Variants in PROB1 observed in about 807,000 individuals in gnomAD.
The protein encoded by PROB1 is proline rich basic protein 1.
For missense variants in PROB1, 1,453 were observed against 1,485.7 expected (o/e 0.98, Z 0.36); for synonymous variants, 660 against 699.3 (o/e 0.94, Z 0.89).
Position 139,393,250 on chromosome 5 carries a change from T to A in PROB1, c.1832A>T (p.Glu611Val). 6.5e-7 allele frequency: 1 copy of A among 1,549,384 alleles called. No homozygotes were observed. The highest frequency in any genetic ancestry group is 8.7e-7 in the Non-Finnish European group (1 of 1,146,960). Residue 611 changes from glutamate (E) to valine (V), a missense_variant, in exon 1 of 1, where the codon GAG (glutamate) becomes GTG (valine). By Grantham distance (121) the Glu-to-Val change is moderately radical (BLOSUM62 -2). Transcript: ENST00000434752. ...DKCPEVLGPG[E>V]AASGRPRMAI... is the part of the protein sequence containing the mutation. ...CATGCGCGGGCGTCCCGAGGCCGCCTCTCCAGGACCCAAGACTTCCGGGCA... is the reference window on the plus strand; with the variant it reads ...CATGCGCGGGCGTCCCGAGGCCGCCACTCCAGGACCCAAGACTTCCGGGCA...
At position 139,393,426 on chromosome 5, in the gene PROB1, G is replaced by A; in HGVS notation, c.1656C>T (p.Ser552=). ...TQEELAPPTP[S]APGTPEPTEM... ...CTGTTGGTTCTGGAGTGCCGGGTGCGGACGGTGTAGGCGGTGCCAACTCCT... is the reference window on the plus strand; with the variant it reads ...CTGTTGGTTCTGGAGTGCCGGGTGCAGACGGTGTAGGCGGTGCCAACTCCT... The change falls in exon 1 of 1, where the codon TCC becomes TCT. Residue 552 remains serine (S), a synonymous_variant. Transcript: ENST00000434752. 1.9e-6 allele frequency: 3 copies of A among 1,551,662 alleles called. No individual in the cohort carries two copies. Among genetic ancestry groups the A allele is most frequent in the Non-Finnish European group, 2.6e-6 (3 of 1,147,006 alleles).
chr5:139,394,420 C>T lies in PROB1; in HGVS notation c.662G>A (p.Arg221Lys). 7.2e-7 allele frequency: 1 copy of T among 1,395,728 alleles called. No individual in the cohort carries two copies. The highest frequency in any genetic ancestry group is 9.2e-7 in the Non-Finnish European group (1 of 1,083,948). The allele number at this position is 1,395,728 out of a possible 1,614,324, so 86.5% of individuals were successfully genotyped here. Residue 221 changes from arginine to lysine, a missense_variant, in exon 1 of 1, where the codon AGG becomes AAG. Arg to Lys is a conservative substitution (Grantham distance 26). Coordinates refer to ENST00000434752, the MANE Select transcript of PROB1 (RefSeq NM_001161546.2). ...ELRPRPQSPPRAAGAPRPRLL... is the reference protein window; with the variant it reads ...ELRPRPQSPPKAAGAPRPRLL... ...CCGGGGGCGCGGCGCGCCGGCCGCC[C>T]TTGGGGGACTCTGGGGCCGGGGGCG...
Position 139,394,273 on chromosome 5 carries a change from G to A in PROB1, c.809C>T (p.Thr270Ile). The A allele has an allele frequency of 1.9e-6, 3 of 1,542,620 alleles. No individual in the cohort carries two copies. The highest frequency in any genetic ancestry group is 2.6e-6 in the Non-Finnish European group (3 of 1,142,778). The change falls in exon 1 of 1, where the codon ACC (threonine) becomes ATC (isoleucine). Residue 270 changes from threonine (T) to isoleucine (I), a missense_variant. Coordinates refer to ENST00000434752, the MANE Select transcript of PROB1 (RefSeq NM_001161546.2). ...TTCCGACCGCCCCGTGGACCCGAAG[G>A]TGGCGCTGCTCGGGGCCGGGGCCTC... ...SPEAPAPSSA[T>I]FGSTGRSEPE... is the part of the protein sequence containing the mutation.
chr5:139,394,007 G>T lies in PROB1; in HGVS notation c.1075C>A (p.Pro359Thr). The change falls in exon 1 of 1, where the codon CCG becomes ACG. Residue 359 changes from proline (P) to threonine (T), a missense_variant. By Grantham distance (38) the Pro-to-Thr change is conservative (BLOSUM62 -1). Transcript: ENST00000434752. ...KIQEARKTRF[P>T]REAPDRTVQR... ...ACAGTTCGATCCGGCGCCTCTCGCGGGAACCGAGTCTTCCGCGCCTCCTGG... is the reference window on the plus strand; with the variant it reads ...ACAGTTCGATCCGGCGCCTCTCGCGTGAACCGAGTCTTCCGCGCCTCCTGG... The T allele has an allele frequency of 6.4e-7, 1 of 1,550,658 alleles. No homozygotes were observed. Among genetic ancestry groups the T allele is most frequent in the Non-Finnish European group, 8.7e-7 (1 of 1,146,994 alleles).
At position 139,394,384 on chromosome 5, in the gene PROB1, C is replaced by A. The variant is rs979367787; in HGVS notation, c.698G>T (p.Arg233Leu). The A allele has an allele frequency of 7.1e-7, 1 of 1,399,140 alleles. No individual in the cohort carries two copies. Among genetic ancestry groups the A allele is most frequent in the Non-Finnish European group, 9.2e-7 (1 of 1,085,118 alleles). 86.7% of individuals were successfully genotyped at this position (1,399,140 alleles called of 1,614,324 possible). A position where few individuals can be genotyped will look rare whatever the true frequency, so the allele number is the denominator to read the frequency against. ...CAGCGACTCGTCCAGGGAACCGGTG[C>A]GCAGGAGCAGCCGGGGGCGCGGCGC... Reference protein sequence around the residue: ...AGAPRPRLLLRTGSLDESLGP... With the variant: ...AGAPRPRLLLLTGSLDESLGP... Residue 233 changes from arginine (R) to leucine (L), a missense_variant, in exon 1 of 1, where the codon CGC (arginine) becomes CTC (leucine). Physicochemically the swap from Arg to Leu is moderately radical, Grantham distance 102. Transcript: ENST00000434752.
In PROB1 at chr5:139,391,836, A is replaced by T; in HGVS notation, c.*198T>A. 2 of 430,716 alleles carry T rather than the reference A, an allele frequency of 4.6e-6. No homozygotes were observed. Among genetic ancestry groups the T allele is most frequent in the Non-Finnish European group, 7.9e-6 (2 of 252,306 alleles). 26.7% of individuals were successfully genotyped at this position (430,716 alleles called of 1,614,324 possible). A position where few individuals can be genotyped will look rare whatever the true frequency, so the allele number is the denominator to read the frequency against. The stretch of plus-strand genomic sequence containing the variant: ...ACATAATTTTGTTGGGGGAGGAAGT[A>T]GGCAGCCACTTCCTGGGTGACTCCA... On this transcript the variant is annotated 3_prime_UTR_variant, in exon 1 of 1. Coordinates refer to ENST00000434752, the MANE Select transcript of PROB1 (RefSeq NM_001161546.2). The surrounding 1 kb of genome is among the most constrained non-coding windows in gnomAD (Gnocchi z 4.8).
chr5:139,392,941 C>G lies in PROB1; in HGVS notation c.2141G>C (p.Gly714Ala). Residue 714 changes from glycine to alanine, a missense_variant, in exon 1 of 1, where the codon GGG becomes GCG. Physicochemically the swap from Gly to Ala is moderately conservative, Grantham distance 60. Transcript: ENST00000434752. The surrounding 1 kb of genome is among the most constrained non-coding windows in gnomAD (Gnocchi z 5.8). The part of the protein sequence containing the change: ...TVARDASQPN[G>A]VLRRRAENST... ...GTTCTCTGCCCTCCGCCGCAGGACC[C>G]CGTTGGGCTGTGAGGCGTCCCGGGC... 6.6e-7 allele frequency: 1 copy of G among 1,518,992 alleles called. No homozygotes were observed. The highest frequency in any genetic ancestry group is 8.9e-7 in the Non-Finnish European group (1 of 1,129,178). 94.1% of individuals were successfully genotyped at this position (1,518,992 alleles called of 1,614,324 possible).
rs1224128262 is a variant in PROB1 at position 139,394,929 on chromosome 5, T to C, written c.153A>G (p.Lys51=). 4 of 1,519,602 alleles carry C rather than the reference T, an allele frequency of 2.6e-6. No homozygotes were observed. In the South Asian group the frequency reaches 3.7e-5, roughly 14 times the overall value. 94.1% of individuals were successfully genotyped at this position (1,519,602 alleles called of 1,614,324 possible). The change falls in exon 1 of 1, where the codon AAA becomes AAG. Residue 51 remains lysine, a synonymous_variant. Transcript: ENST00000434752. Reference sequence around the variant, plus strand: ...CCACCCAGGGCCAATTCGCTGGGCCTTTCGCGTCCGGCCCAACGTCCGGGG... The same window carrying C: ...CCACCCAGGGCCAATTCGCTGGGCCCTTCGCGTCCGGCCCAACGTCCGGGG... ...PEPPDVGPDA[K]GPANWPWVAP... is the part of the protein sequence containing the mutation.
Position 139,394,837 on chromosome 5 carries a change from T to G in PROB1, c.245A>C (p.His82Pro). 1 of 1,531,688 alleles carries G rather than the reference T, an allele frequency of 6.5e-7. No homozygotes were observed. The highest frequency in any genetic ancestry group is 8.8e-7 in the Non-Finnish European group (1 of 1,139,146). 94.9% of individuals were successfully genotyped at this position (1,531,688 alleles called of 1,614,324 possible). A position where few individuals can be genotyped will look rare whatever the true frequency, so the allele number is the denominator to read the frequency against. Residue 82 changes from histidine (H) to proline (P), a missense_variant, in exon 1 of 1, where the codon CAC becomes CCC. Physicochemically the swap from His to Pro is moderately conservative, Grantham distance 77 (BLOSUM62 -2). Coordinates refer to ENST00000434752, the MANE Select transcript of PROB1 (RefSeq NM_001161546.2). Reference protein sequence around the residue: ...SVSAQNSRQRHGPGSGFPRGP... With the variant: ...SVSAQNSRQRPGPGSGFPRGP... The stretch of plus-strand genomic sequence containing the variant: ...TCGCGGGAAACCCGAGCCGGGCCCG[T>G]GCCGCTGGCGGCTATTCTGGGCGCT...
chr5:139,392,214 CG>C lies in PROB1; in HGVS notation c.2867del (p.Pro956ArgfsTer28), dbSNP rs1415405993. 2.8e-6 allele frequency: 4 copies of C among 1,434,372 alleles called. No homozygotes were observed. The highest frequency in any genetic ancestry group is 1.4e-5 in the South Asian group (1 of 68,986). 88.9% of individuals were successfully genotyped at this position (1,434,372 alleles called of 1,614,324 possible). On this transcript the variant is annotated frameshift_variant, in exon 1 of 1. Transcript: ENST00000434752. LOFTEE classifies it low-confidence loss of function (END_TRUNC). This position sits in a 1 kb window ranked among gnomAD's most constrained non-coding sequence, Gnocchi z 5.8. ...PIPSLSLPPS[P>X]GPQALGSPQL... ...GGGGGCTGCCGAGGGCCTGCGGGCCCGGGGACGGTGGCAGAGAGAGGCTGGG... is the reference window on the plus strand; with the variant it reads ...GGGGGCTGCCGAGGGCCTGCGGGCCCGGGACGGTGGCAGAGAGAGGCTGGG...
At position 139,392,559 on chromosome 5, in the gene PROB1, C is replaced by T; in HGVS notation, c.2523G>A (p.Ala841=). Residue 841 remains alanine, a synonymous_variant, in exon 1 of 1, where the codon GCG becomes GCA. Coordinates refer to ENST00000434752, the MANE Select transcript of PROB1 (RefSeq NM_001161546.2). The surrounding 1 kb of genome is among the most constrained non-coding windows in gnomAD (Gnocchi z 5.8). ...VQAPLPREPL[A]LAGRTAPAQP... is the part of the protein sequence containing the mutation. ...GGGCTGGGGCCGTCCTGCCCGCCAA[C>T]GCCAGGGGCTCCCGCGGGAGTGGCG... The T allele has an allele frequency of 7.4e-7, 1 of 1,350,756 alleles. No individual in the cohort carries two copies. The highest frequency in any genetic ancestry group is 1.9e-5 in the South Asian group (1 of 52,968). 83.7% of individuals were successfully genotyped at this position (1,350,756 alleles called of 1,614,324 possible).
chr5:139,394,831 G>A lies in PROB1; in HGVS notation c.251C>T (p.Pro84Leu), dbSNP rs1427936253. The A allele has an allele frequency of 5.2e-6, 8 of 1,531,212 alleles. No homozygotes were observed. Among genetic ancestry groups the A allele is most frequent in the Non-Finnish European group, 6.1e-6 (7 of 1,139,002 alleles). 94.9% of individuals were successfully genotyped at this position (1,531,212 alleles called of 1,614,324 possible). A position where few individuals can be genotyped will look rare whatever the true frequency, so the allele number is the denominator to read the frequency against. ...SAQNSRQRHG[P>L]GSGFPRGPGS... ...TGGGCCTCGCGGGAAACCCGAGCCGGGCCCGTGCCGCTGGCGGCTATTCTG... is the reference window on the plus strand; with the variant it reads ...TGGGCCTCGCGGGAAACCCGAGCCGAGCCCGTGCCGCTGGCGGCTATTCTG... Residue 84 changes from proline (P) to leucine (L), a missense_variant, in exon 1 of 1, where the codon CCC becomes CTC. Transcript: ENST00000434752.
At position 139,394,790 on chromosome 5, in the gene PROB1, G is replaced by A. The variant is rs976696557; in HGVS notation, c.292C>T (p.Pro98Ser). ...AGCGTGCGCAGCTGGGGCTGGGGTG[G>A]CCGTGGGCCGGAACCTGGGCCTCGC... is the stretch of plus-strand genomic sequence containing the variant. ...FPRGPGSGPRPPQPQLRTLPS... is the reference protein window; with the variant it reads ...FPRGPGSGPRSPQPQLRTLPS... Residue 98 changes from proline (P) to serine (S), a missense_variant, in exon 1 of 1, where the codon CCA (proline) becomes TCA (serine). Coordinates refer to ENST00000434752, the MANE Select transcript of PROB1 (RefSeq NM_001161546.2). The A allele has an allele frequency of 5.9e-6, 9 of 1,529,048 alleles. No individual in the cohort carries two copies. The highest frequency in any genetic ancestry group is 1.2e-5 in the South Asian group (1 of 82,588). 94.7% of individuals were successfully genotyped at this position (1,529,048 alleles called of 1,614,324 possible).
rs1422905873 is a variant in PROB1 at position 139,394,255 on chromosome 5, C to T, written c.827G>A (p.Arg276Gln). 71 of 1,545,998 alleles carry T rather than the reference C, an allele frequency of 4.6e-5. No homozygotes were observed. Among genetic ancestry groups the T allele is most frequent in the Non-Finnish European group, 5.8e-5 (66 of 1,144,330 alleles). Residue 276 changes from arginine to glutamine, a missense_variant, in exon 1 of 1, where the codon CGG becomes CAG. Coordinates refer to ENST00000434752, the MANE Select transcript of PROB1 (RefSeq NM_001161546.2). The part of the protein sequence containing the change: ...PSSATFGSTG[R>Q]SEPETRETAR... ...CGTTTCCCGGGTCTCAGGTTCCGAC[C>T]GCCCCGTGGACCCGAAGGTGGCGCT...
Position 139,392,650 on chromosome 5 carries a change from C to T in PROB1, c.2432G>A (p.Ser811Asn). ...PGSPQMQASP[S>N]PGIAPKPKTP... ...CTTCGGTTTGGGTGCTATCCCAGGG[C>T]TCGGGCTGGCTTGCATCTGAGGGGA... Residue 811 changes from serine (S) to asparagine (N), a missense_variant, in exon 1 of 1, where the codon AGC (serine) becomes AAC (asparagine). Coordinates refer to ENST00000434752, the MANE Select transcript of PROB1 (RefSeq NM_001161546.2). This position sits in a 1 kb window ranked among gnomAD's most constrained non-coding sequence, Gnocchi z 5.8. 7.2e-7 allele frequency: 1 copy of T among 1,389,508 alleles called. No individual in the cohort carries two copies. The highest frequency in any genetic ancestry group is 9.3e-7 in the Non-Finnish European group (1 of 1,072,078). The allele number at this position is 1,389,508 out of a possible 1,614,324, so 86.1% of individuals were successfully genotyped here.
chr5:139,392,671 G>A lies in PROB1; in HGVS notation c.2411C>T (p.Pro804Leu). The change falls in exon 1 of 1, where the codon CCT (proline) becomes CTT (leucine). Residue 804 changes from proline to leucine, a missense_variant. Transcript: ENST00000434752. This position sits in a 1 kb window ranked among gnomAD's most constrained non-coding sequence, Gnocchi z 5.8. ...AGGGCTCGGGCTGGCTTGCATCTGAGGGGAGCCGGGGCGGGGCGATCGGAC... is the reference window on the plus strand; with the variant it reads ...AGGGCTCGGGCTGGCTTGCATCTGAAGGGAGCCGGGGCGGGGCGATCGGAC... ...AGVRSPRPGS[P>L]QMQASPSPGI... 7.1e-7 allele frequency: 1 copy of A among 1,401,026 alleles called. No homozygotes were observed. The highest frequency in any genetic ancestry group is 9.3e-7 in the Non-Finnish European group (1 of 1,077,866). The allele number at this position is 1,401,026 out of a possible 1,614,324, so 86.8% of individuals were successfully genotyped here.
Position 139,391,720 on chromosome 5 carries a change from C to A in PROB1, c.*314G>T. 1 of 267,982 alleles carries A rather than the reference C, an allele frequency of 3.7e-6. No individual in the cohort carries two copies. Among genetic ancestry groups the A allele is most frequent in the Admixed American group, 5.4e-5 (1 of 18,452 alleles). 16.6% of individuals were successfully genotyped at this position (267,982 alleles called of 1,614,324 possible). On this transcript the variant is annotated 3_prime_UTR_variant, in exon 1 of 1. Transcript: ENST00000434752. This position sits in a 1 kb window ranked among gnomAD's most constrained non-coding sequence, Gnocchi z 4.8. ...CCTGGGGACAAGCCCAGGGATGCCT[C>A]ACTTTCCCTATTTGCTTGCCCGCAT...
chr5:139,393,413 G>A lies in PROB1; in HGVS notation c.1669C>T (p.Pro557Ser). 1 of 1,551,680 alleles carries A rather than the reference G, an allele frequency of 6.4e-7. No homozygotes were observed. The stretch of plus-strand genomic sequence containing the variant: ...GGACTCTGCATCTCTGTTGGTTCTG[G>A]AGTGCCGGGTGCGGACGGTGTAGGC... Reference protein sequence around the residue: ...APPTPSAPGTPEPTEMQSPST... With the variant: ...APPTPSAPGTSEPTEMQSPST... The change falls in exon 1 of 1, where the codon CCA (proline) becomes TCA (serine). Residue 557 changes from proline to serine, a missense_variant. By Grantham distance (74) the Pro-to-Ser change is moderately conservative. Coordinates refer to ENST00000434752, the MANE Select transcript of PROB1 (RefSeq NM_001161546.2).
chr5:139,393,220 A>G lies in PROB1; in HGVS notation c.1862T>C (p.Ile621Thr). 1.3e-6 allele frequency: 2 copies of G among 1,549,262 alleles called. No individual in the cohort carries two copies. Among genetic ancestry groups the G allele is most frequent in the Middle Eastern group, 1.7e-4 (1 of 5,992 alleles). Residue 621 changes from isoleucine (I) to threonine (T), a missense_variant, in exon 1 of 1, where the codon ATT becomes ACT. Transcript: ENST00000434752. ...EAASGRPRMA[I>T]PRPRDVRKLV... The stretch of plus-strand genomic sequence containing the variant: ...CTTGCGCACGTCTCGAGGCCGCGGA[A>G]TGGCCATGCGCGGGCGTCCCGAGGC...
Sources: gnomAD v4.1 joint callset for allele counts on GRCh38, gnomAD v4.1.1 for gene constraint, Gnocchi (gnomAD v3.1) non-coding constraint, MANE v1.5 for transcripts, NCBI Gene and HGNC (gene_info 2026-07-23, HGNC 2026-07-21) for gene names.